ACTN1: variants seen among roughly 807,000 people sequenced by gnomAD.
ACTN1 encodes the protein alpha-actinin-1.
ACTN1 carries 30 observed loss-of-function variants against 119.6 expected under a neutral mutation model. The observed-to-expected ratio is 0.25, with a 90% confidence interval of 0.19 to 0.34. The LOEUF (loss-of-function observed/expected upper bound fraction) is 0.34. ACTN1 is among the 10% of genes least tolerant of loss of function. ACTN1 has a pLI of 1.00. For synonymous variants in ACTN1, 429 were observed against 472.6 expected (o/e 0.91, Z 1.20); for missense variants, 764 against 1,223.4 (o/e 0.62, Z 5.60).
intron 1 of ACTN1, among the ~76,000 whole-genome samples, chr14:68,943,720 T>C (rs974610024): frequency 6.6e-6 from 1 of 152,150 alleles, no homozygotes; most frequent in Non-Finnish European, 1.5e-5. Context: ...ACTGTTATCA[T>C]CACCCACGAG....
intron 1 of ACTN1, among the ~76,000 whole-genome samples, chr14:68,935,802 G>T (rs2035473361): frequency 6.7e-6 from 1 of 149,984 alleles, no homozygotes; most frequent in South Asian, 2.7e-4. Context: ...TTGCACAGTG[G>T]AATAAACAAG....
chr14:68,906,998 C>T (rs565364537), intron 6 of ACTN1, among the ~76,000 whole-genome samples: 26 of 152,034 alleles, frequency 1.7e-4, no homozygotes, highest in African/African-American at 5.6e-4. Context: ...GGGGGCTGGG[C>T]GCGGTGGCTC....
Position 68,925,544 on chromosome 14 carries a change from A to C in ACTN1, c.220+14T>G. 1 of 1,605,618 alleles carries C rather than the reference A, an allele frequency of 6.2e-7. No homozygotes were observed. ...AATAGACAGTATCTCGTCCTGGGCC[A>C]GGTTCCGCCTCACCTGAGATGACCT... On this transcript the variant is annotated intron_variant, in intron 2 of 21. Coordinates refer to ENST00000394419, the MANE Select transcript of ACTN1 (RefSeq NM_001130004.2). The surrounding 1 kb of genome is among the most constrained non-coding windows in gnomAD (Gnocchi z 4.3).
chr14:68,930,498 A>G (rs2035175882), intron 1 of ACTN1, among the ~76,000 whole-genome samples: 1 of 152,164 alleles, frequency 6.6e-6, no homozygotes, highest in Non-Finnish European at 1.5e-5. Flanking sequence ...AGCTTTTACA[A>G]TCAAGCATCC....
At position 68,979,290 on chromosome 14, in the gene ACTN1, C is replaced by A. The variant is rs879035253; in HGVS notation, c.-234G>T. ...CTCTGGGCGGGCGCTTGGACCTAATCTCCACGCACACTGAACTAGGCGGAC... is the reference window on the plus strand; with the variant it reads ...CTCTGGGCGGGCGCTTGGACCTAATATCCACGCACACTGAACTAGGCGGAC... On this transcript the variant is annotated 5_prime_UTR_variant, in exon 1 of 22. Coordinates refer to ENST00000394419, the MANE Select transcript of ACTN1 (RefSeq NM_001130004.2). 2.8e-6 allele frequency: 1 copy of A among 354,588 alleles called. No individual in the cohort carries two copies. Among genetic ancestry groups the A allele is most frequent in the Non-Finnish European group, 5.0e-6 (1 of 198,538 alleles). 22.0% of individuals were successfully genotyped at this position (354,588 alleles called of 1,614,324 possible).
intron 1 of ACTN1, among the ~76,000 whole-genome samples, chr14:68,933,444 G>A (rs897923234): frequency 2.0e-5 from 3 of 152,028 alleles, no homozygotes; most frequent in Non-Finnish European, 4.4e-5. Flanking sequence ...CCACCTCCCT[G>A]TATTCTTATG....
chr14:68,928,613 C>T (rs1055318606), intron 1 of ACTN1, among the ~76,000 whole-genome samples: 5 of 152,178 alleles, frequency 3.3e-5, no homozygotes, highest in Non-Finnish European at 7.3e-5. Context: ...TGCAGTAAAA[C>T]AGGGATAGTA....
intron 1 of ACTN1, among the ~76,000 whole-genome samples, chr14:68,958,189 T>C (rs2036415389): frequency 1.3e-5 from 2 of 152,242 alleles, no homozygotes; most frequent in Admixed American, 1.3e-4. Context: ...CCGCTTTCTA[T>C]GATTAACAGA....
intron 2 of ACTN1, among the ~76,000 whole-genome samples, chr14:68,924,713 G>C (rs143880274): frequency 0.011 from 1,625 of 152,314 alleles, 36 homozygotes; most frequent in African/African-American, 0.038. Context: ...GTTGACACAG[G>C]CCACACTGAC....
chr14:68,922,038 G>C (rs2034677308), intron 2 of ACTN1, among the ~76,000 whole-genome samples: 1 of 152,226 alleles, frequency 6.6e-6, no homozygotes, highest in Non-Finnish European at 1.5e-5. Flanking sequence ...AATTTTCTAA[G>C]TGCAGCATAG....
At chr14:68,970,536 AG>A (rs1333129963) in intron 1 of ACTN1, among the ~76,000 whole-genome samples, 1 of 152,220 alleles carries the variant, frequency 6.6e-6, no homozygotes, top group Non-Finnish European at 1.5e-5. Flanking sequence ...CTCTAAACAA[AG>A]GGAAGGACAG....
At chr14:68,950,298 A>C (rs1473476070) in intron 1 of ACTN1, among the ~76,000 whole-genome samples, 1 of 13,474 alleles carries the variant, frequency 7.4e-5, no homozygotes, top group African/African-American at 8.7e-4. Flanking sequence ...TTGTCTCAAA[A>C]AAAAAAAAAA....
intron 6 of ACTN1, among the ~76,000 whole-genome samples, chr14:68,905,808 G>A (rs564712197): frequency 6.6e-6 from 1 of 151,944 alleles, no homozygotes; most frequent in Non-Finnish European, 1.5e-5. Flanking sequence ...CGTGACCAAC[G>A]TGGTGACACC....
chr14:68,936,682 T>C (rs2035533922), intron 1 of ACTN1: 2 of 629,198 alleles, frequency 3.2e-6, no homozygotes, highest in Non-Finnish European at 6.1e-6. Context: ...CCGGGTGAAG[T>C]CCTGGGCAAG....
At chr14:68,942,878 T>A (rs1398805212) in intron 1 of ACTN1, among the ~76,000 whole-genome samples, 1 of 152,080 alleles carries the variant, frequency 6.6e-6, no homozygotes, top group East Asian at 1.9e-4. Context: ...TGCATATCCA[T>A]CACAGGAGAT....
chr14:68,978,761 C>T, intron 1 of ACTN1, 191 bp downstream of exon 1: 1 of 411,730 alleles, frequency 2.4e-6, no homozygotes. Flanking sequence ...GGCTCCGGGG[C>T]AGGGGCGCTC....
At chr14:68,881,727 T>C (rs1267155747) in intron 16 of ACTN1, among the ~76,000 whole-genome samples, 1 of 151,970 alleles carries the variant, frequency 6.6e-6, no homozygotes, top group African/African-American at 2.4e-5. Context: ...CACCCCACTA[T>C]CTACCCCACA....
intron 1 of ACTN1, chr14:68,978,542 A>G (rs1485386185): frequency 3.4e-6 from 1 of 293,940 alleles, no homozygotes; most frequent in Non-Finnish European, 6.6e-6. Context: ...CCATATGGAG[A>G]GGTGGCCAGG....
chr14:68,941,304 G>A (rs7152850), intron 1 of ACTN1, among the ~76,000 whole-genome samples: 22,893 of 152,144 alleles, frequency 0.15, 2,337 homozygotes, highest in African/African-American at 0.28. Flanking sequence ...TCACCTGGAG[G>A]GCTTGTTAAA....
Sources: gnomAD v4.1 joint callset for allele counts (sites outside exome capture counted in the v4.1 genomes callset) on GRCh38, gnomAD v4.1.1 for gene constraint, Gnocchi (gnomAD v3.1) non-coding constraint, MANE v1.5 for transcripts, NCBI Gene and HGNC (gene_info 2026-07-23, HGNC 2026-07-21) for gene names.